KIF17: variants seen among roughly 807,000 people sequenced by gnomAD.
The protein encoded by KIF17 is kinesin-like protein KIF17.
A neutral mutation model predicts 96.8 loss-of-function variants in KIF17; 80 were observed. That is an observed-to-expected ratio of 0.83 (90% CI 0.69 to 1.00). The LOEUF is 1.00. KIF17 is among the 50% of genes least tolerant of loss of function. The pLI is 0.00. For synonymous variants in KIF17, 567 were observed against 587.5 expected (o/e 0.97, Z 0.51); for missense variants, 1,280 against 1,372.9 (o/e 0.93, Z 1.07).
At chr1:20,713,704 C>T (rs1275242579) in intron 2 of KIF17, 149 bp from the exon 3 acceptor site, 2 of 691,316 alleles carry the variant, frequency 2.9e-6, no homozygotes, top group Non-Finnish European at 5.2e-6. Flanking sequence ...ACCCAACCCG[C>T]CCTGCTGGCC....
chr1:20,684,531 GC>G (rs1050767759), intron 10 of KIF17, among the ~76,000 whole-genome samples: 3 of 152,208 alleles, frequency 2.0e-5, no homozygotes, highest in Non-Finnish European at 4.4e-5. Flanking sequence ...GGGGCTGGGG[GC>G]TTGGCTGGGA....
chr1:20,687,718 C>A lies in KIF17; in HGVS notation c.1608G>T (p.Leu536=). 6.2e-7 allele frequency: 1 copy of A among 1,614,188 alleles called. No individual in the cohort carries two copies. Among genetic ancestry groups the A allele is most frequent in the Non-Finnish European group, 8.5e-7 (1 of 1,180,036 alleles). ...KVEPSKSEIS[L]GSSESSSLEE... ...CGAGCGAGGATGACTCACTGGAGCCCAGAGAAATCTCAGATTTGGAGGGTT... is the reference window on the plus strand; with the variant it reads ...CGAGCGAGGATGACTCACTGGAGCCAAGAGAAATCTCAGATTTGGAGGGTT... Residue 536 remains leucine (L), a synonymous_variant, in exon 8 of 15, where the codon CTG becomes CTT. Coordinates refer to ENST00000400463, the MANE Select transcript of KIF17 (RefSeq NM_001122819.3). The surrounding 1 kb of genome is among the most constrained non-coding windows in gnomAD (Gnocchi z 4.4).
chr1:20,684,212 G>A (rs1227777557), intron 10 of KIF17, among the ~76,000 whole-genome samples: 3 of 152,216 alleles, frequency 2.0e-5, no homozygotes, highest in Non-Finnish European at 4.4e-5. Flanking sequence ...GTGGGCCCTT[G>A]GGGCTGAGGC....
rs190271527 is a variant in KIF17, at chr1:20,667,423, T to C, written c.2791-1092A>G. On this transcript the variant is annotated intron_variant, in intron 13 of 14. Transcript: ENST00000400463. ...GGCTCCCACTGATTCTACATGATGGTGAGTTATATAATTATTTCATTATAT... is the reference window on the plus strand; with the variant it reads ...GGCTCCCACTGATTCTACATGATGGCGAGTTATATAATTATTTCATTATAT... Among the ~76,000 whole-genome samples, 205 of 152,182 alleles carry C rather than the reference T, an allele frequency of 1.3e-3. 2 individuals are homozygous for C. Among genetic ancestry groups the C allele is most frequent in the African/African-American group, 4.5e-3 (185 of 41,518 alleles).
At position 20,715,526 on chromosome 1, in the gene KIF17, G is replaced by T; in HGVS notation, c.345C>A (p.Pro115=). The change falls in exon 2 of 15, where the codon CCC becomes CCA. Residue 115 remains proline, a synonymous_variant. Coordinates refer to ENST00000400463, the MANE Select transcript of KIF17 (RefSeq NM_001122819.3). ...TCTCGAACACGTGCTCGAAGGCCCT[G>T]GGGATGATGCCTCTCTGGGAGGGCG... ...PDPPSQRGII[P]RAFEHVFESV... is the part of the protein sequence containing the mutation. The T allele has an allele frequency of 3.1e-6, 5 of 1,613,584 alleles. No homozygotes were observed. The highest frequency in any genetic ancestry group is 4.2e-6 in the Non-Finnish European group (5 of 1,180,032).
At chr1:20,716,128 G>A (rs1267074575) in intron 1 of KIF17, among the ~76,000 whole-genome samples, 1 of 151,370 alleles carries the variant, frequency 6.6e-6, no homozygotes, top group Non-Finnish European at 1.5e-5. Flanking sequence ...AGCTCCTGCA[G>A]TCCCAGCTAC....
intron 7 of KIF17, among the ~76,000 whole-genome samples, chr1:20,689,628 G>A: frequency 6.6e-6 from 1 of 151,828 alleles, no homozygotes; most frequent in East Asian, 1.9e-4. Context: ...TCCAGCCTGG[G>A]CGATGGAGCA....
At chr1:20,692,930 C>T (rs963995307) in intron 6 of KIF17, among the ~76,000 whole-genome samples, 1 of 151,882 alleles carries the variant, frequency 6.6e-6, no homozygotes, top group South Asian at 2.1e-4. Context: ...CATGCCACCA[C>T]GCCTGGCTAA....
At chr1:20,671,613 G>T (rs563204942) in intron 12 of KIF17, among the ~76,000 whole-genome samples, 2 of 152,262 alleles carry the variant, frequency 1.3e-5, no homozygotes, top group South Asian at 4.2e-4. Flanking sequence ...GGGATTACAG[G>T]CGTGAGCCAC....
At chr1:20,684,480 G>A (rs1414084683) in intron 10 of KIF17, among the ~76,000 whole-genome samples, 1 of 152,232 alleles carries the variant, frequency 6.6e-6, no homozygotes, top group African/African-American at 2.4e-5. Flanking sequence ...CTTGTCCTGT[G>A]GGTGAGTGGG....
Position 20,685,115 on chromosome 1 carries a change from GC to G in KIF17, c.2020-96del. On this transcript the variant is annotated intron_variant, in intron 9 of 14. Coordinates refer to ENST00000400463, the MANE Select transcript of KIF17 (RefSeq NM_001122819.3). The surrounding 1 kb of genome is among the most constrained non-coding windows in gnomAD (Gnocchi z 4.1). ...GCTCAATCCCAGACGGGGCCATTCC[GC>G]CTGCTGCAGCCCCGACAGATCACCT... The G allele has an allele frequency of 1.1e-6, 1 of 919,056 alleles. No homozygotes were observed. Among genetic ancestry groups the G allele is most frequent in the Non-Finnish European group, 1.8e-6 (1 of 570,796 alleles). The allele number at this position is 919,056 out of a possible 1,614,324, so 56.9% of individuals were successfully genotyped here. A position where few individuals can be genotyped will look rare whatever the true frequency, so the allele number is the denominator to read the frequency against.
chr1:20,705,142 C>T (rs549271021), intron 4 of KIF17, among the ~76,000 whole-genome samples: 22 of 152,332 alleles, frequency 1.4e-4, no homozygotes, highest in African/African-American at 4.8e-4. Flanking sequence ...ACCATCAGAA[C>T]CCAGGGCAGG....
chr1:20,668,240 G>A (rs553867676), intron 13 of KIF17, among the ~76,000 whole-genome samples: 2 of 152,058 alleles, frequency 1.3e-5, no homozygotes, highest in African/African-American at 2.4e-5. Flanking sequence ...AACCTGGGAG[G>A]CGGAGCTTGC....
In KIF17 at chr1:20,709,586, G is replaced by A; in HGVS notation, c.670+53C>T. Reference sequence around the variant, plus strand: ...CCCGAGAGGTGGCGTGCCTTGGCTAGTGGGAGTGGCTGGGTCATCTGTCCC... The same window carrying A: ...CCCGAGAGGTGGCGTGCCTTGGCTAATGGGAGTGGCTGGGTCATCTGTCCC... On this transcript the variant is annotated intron_variant, in intron 4 of 14. Coordinates refer to ENST00000400463, the MANE Select transcript of KIF17 (RefSeq NM_001122819.3). The surrounding 1 kb of genome is among the most constrained non-coding windows in gnomAD (Gnocchi z 4.7). The A allele has an allele frequency of 6.2e-7, 1 of 1,601,700 alleles. No homozygotes were observed.
intron 5 of KIF17, among the ~76,000 whole-genome samples, chr1:20,698,750 AGAG>A (rs2054185506): frequency 6.6e-6 from 1 of 152,170 alleles, no homozygotes; most frequent in African/African-American, 2.4e-5. Flanking sequence ...ACTGGGAAAA[AGAG>A]GAGAAAAGCA....
chr1:20,717,592 T>C lies in KIF17; in HGVS notation c.115A>G (p.Ile39Val). The C allele has an allele frequency of 6.2e-7, 1 of 1,611,296 alleles. No homozygotes were observed. Among genetic ancestry groups the C allele is most frequent in the Non-Finnish European group, 8.5e-7 (1 of 1,179,526 alleles). The change falls in exon 1 of 15, where the codon ATC becomes GTC. Residue 39 changes from isoleucine to valine, a missense_variant. Coordinates refer to ENST00000400463, the MANE Select transcript of KIF17 (RefSeq NM_001122819.3). ...TVDCARAQCC[I>V]QNPGAADEPP... ...TCGTCGGCGGCGCCCGGGTTCTGGA[T>C]GCAGCACTGGGCGCGCGCGCAGTCC... is the stretch of plus-strand genomic sequence containing the variant.
chr1:20,707,780 A>AGTGTGTGT (rs1557603646), intron 4 of KIF17, among the ~76,000 whole-genome samples: 1 of 99,912 alleles, frequency 1.0e-5, no homozygotes, highest in African/African-American at 5.2e-5. Flanking sequence ...AAAACAAACC[A>AGTGTGTGT]ATGTGTATGT....
At position 20,690,250 on chromosome 1, in the gene KIF17, G is replaced by A. The variant is rs1570455916; in HGVS notation, c.1319C>T (p.Ala440Val). 5 of 1,598,856 alleles carry A rather than the reference G, an allele frequency of 3.1e-6. No individual in the cohort carries two copies. In the African/African-American group the frequency reaches 5.4e-5, roughly 17 times the overall value. The change falls in exon 7 of 15, where the codon GCC becomes GTC. Residue 440 changes from alanine (A) to valine (V), a missense_variant. Transcript: ENST00000400463. Reference sequence around the variant, plus strand: ...CCTGACGTCATATGAGTTGCGCATGGCAGTGATGTCTTCCTCCAGCCTGGC... The same window carrying A: ...CCTGACGTCATATGAGTTGCGCATGACAGTGATGTCTTCCTCCAGCCTGGC... ...SRARLEEDIT[A>V]MRNSYDVRLS... is the part of the protein sequence containing the mutation.
intron 6 of KIF17, among the ~76,000 whole-genome samples, chr1:20,692,063 T>A (rs1031246655): frequency 6.6e-6 from 1 of 152,166 alleles, no homozygotes; most frequent in East Asian, 1.9e-4. Context: ...CTGCTTAGGA[T>A]CTGCTAATGG....
Sources: allele counts gnomAD v4.1 joint callset (sites outside exome capture counted in the v4.1 genomes callset), GRCh38; gene constraint gnomAD v4.1.1; non-coding constraint Gnocchi (gnomAD v3.1); transcripts MANE v1.5; gene names NCBI Gene and HGNC (gene_info 2026-07-23, HGNC 2026-07-21).